Variants in MTHFD1L observed in about 807,000 individuals in gnomAD.
MTHFD1L encodes the protein methylenetetrahydrofolate dehydrogenase (NADP+ dependent) 1 like, also known as monofunctional C1-tetrahydrofolate synthase, mitochondrial.
In MTHFD1L, 81 loss-of-function variants were observed where a neutral mutation model predicts 119.5. That is an observed-to-expected ratio of 0.68 (90% CI 0.57 to 0.82). MTHFD1L has a LOEUF of 0.82. Among genes scored for constraint, MTHFD1L ranks in the 40% least tolerant of loss-of-function variants. MTHFD1L has a pLI of 0.00. For missense variants in MTHFD1L, 1,125 were observed against 1,253.4 expected, an observed-to-expected ratio of 0.90 and a Z score of 1.55; for synonymous variants, 430 against 475.2, an observed-to-expected ratio of 0.90 and a Z score of 1.24.
intron 20 of MTHFD1L, among the ~76,000 whole-genome samples, chr6:151,005,205 G>A (rs1011578831): frequency 4.6e-5 from 7 of 152,042 alleles, no homozygotes; most frequent in African/African-American, 1.7e-4. Context: ...CTCACGAGAT[G>A]GGTCTTCATA....
At chr6:151,097,865 A>T (rs1052104966) in intron 27 of MTHFD1L, among the ~76,000 whole-genome samples, 1 of 152,120 alleles carries the variant, frequency 6.6e-6, no homozygotes, top group African/African-American at 2.4e-5. Context: ...AAACACTCAT[A>T]TATACCCCAT....
intron 20 of MTHFD1L, among the ~76,000 whole-genome samples, chr6:150,973,386 G>A (rs896414224): frequency 2.6e-5 from 4 of 152,080 alleles, no homozygotes; most frequent in Admixed American, 6.5e-5. Flanking sequence ...TTGCTCCTTC[G>A]GTAGCAAATC....
At chr6:150,986,075 G>T (rs1778265467) in intron 20 of MTHFD1L, among the ~76,000 whole-genome samples, 1 of 152,212 alleles carries the variant, frequency 6.6e-6, no homozygotes, top group African/African-American at 2.4e-5. Context: ...CAAGGGGAGA[G>T]AAACCAGAGG....
At chr6:150,903,941 T>C (rs554999588) in intron 7 of MTHFD1L, among the ~76,000 whole-genome samples, 6 of 152,388 alleles carry the variant, frequency 3.9e-5, no homozygotes, top group Non-Finnish European at 8.8e-5. Flanking sequence ...TTGTCAGCTC[T>C]ATGAAAAGAC....
intron 26 of MTHFD1L, among the ~76,000 whole-genome samples, chr6:151,076,960 C>T (rs916432762): frequency 1.4e-4 from 21 of 151,934 alleles, no homozygotes; most frequent in African/African-American, 4.8e-4. Flanking sequence ...ATGTAATTTG[C>T]CTCAATAAAA....
At chr6:150,954,192 C>T (rs1465810798) in intron 16 of MTHFD1L, among the ~76,000 whole-genome samples, 2 of 152,160 alleles carry the variant, frequency 1.3e-5, no homozygotes, top group East Asian at 1.9e-4. Context: ...TACGTAATTT[C>T]CATCACCATT....
chr6:150,885,734 G>A lies in MTHFD1L; in HGVS notation c.643G>A (p.Gly215Ser), dbSNP rs1371221387. 1.2e-6 allele frequency: 2 copies of A among 1,605,000 alleles called. No individual in the cohort carries two copies. The highest frequency in any genetic ancestry group is 1.7e-6 in the Non-Finnish European group (2 of 1,172,294). Residue 215 changes from glycine (G) to serine (S), a missense_variant and splice_region_variant, in exon 6 of 28, where the codon GGT becomes AGT. Physicochemically the swap from Gly to Ser is moderately conservative, Grantham distance 56. This residue lies in a region of MTHFD1L where 1,058 missense variants were observed against 1,151.2 expected (regional missense o/e 0.92). Coordinates refer to ENST00000367321, the MANE Select transcript of MTHFD1L (RefSeq NM_015440.5). ...KAVIELLEKS[G>S]VNLDGKKILV... ...TGTAATTGAACTTCTTGAAAAATCA[G>A]GTAGGATGCTCCTTGAGAAATGCCG...
chr6:150,921,844 G>T (rs1348846196), intron 9 of MTHFD1L, among the ~76,000 whole-genome samples: 1 of 152,152 alleles, frequency 6.6e-6, no homozygotes, highest in Non-Finnish European at 1.5e-5. Flanking sequence ...AACATTCTCA[G>T]ATTCATTGCT....
chr6:151,069,263 C>T (rs1262882939), intron 26 of MTHFD1L, among the ~76,000 whole-genome samples: 1 of 150,864 alleles, frequency 6.6e-6, no homozygotes, highest in African/African-American at 2.4e-5. Flanking sequence ...CTCTCTCTCT[C>T]TCTCTCTCTC....
Position 150,955,940 on chromosome 6 carries a change from C to T in MTHFD1L, c.1727-55C>T, listed in dbSNP as rs1327896271. 4.8e-6 allele frequency: 7 copies of T among 1,445,998 alleles called. No homozygotes were observed. In the Admixed American group the frequency reaches 1.0e-4, roughly 21 times the overall value. The allele number at this position is 1,445,998 out of a possible 1,614,324, so 89.6% of individuals were successfully genotyped here. ...GAGCATCAGAACAATGCCAGACACA[C>T]ACCAGGTGGCTGGTCCATATTTGTC... On this transcript the variant is annotated intron_variant, in intron 16 of 27. Coordinates refer to ENST00000367321, the MANE Select transcript of MTHFD1L (RefSeq NM_015440.5).
chr6:150,952,881 A>G (rs1795057089), intron 16 of MTHFD1L, among the ~76,000 whole-genome samples: 1 of 152,168 alleles, frequency 6.6e-6, no homozygotes, highest in Admixed American at 6.5e-5. Context: ...ATGTTCCTGG[A>G]CCCAGAGTGG....
At chr6:151,013,194 A>T (rs1321801286) in intron 21 of MTHFD1L, among the ~76,000 whole-genome samples, 2 of 152,126 alleles carry the variant, frequency 1.3e-5, no homozygotes, top group African/African-American at 4.8e-5. Context: ...AGCCTGGGGA[A>T]GATAGCAAGA....
Position 150,905,779 on chromosome 6 carries a change from G to A in MTHFD1L, c.892+18G>A. 6.4e-7 allele frequency: 1 copy of A among 1,562,114 alleles called. No individual in the cohort carries two copies. Among genetic ancestry groups the A allele is most frequent in the Non-Finnish European group, 8.8e-7 (1 of 1,132,544 alleles). ...CCTGTCAGGTAAATGTCTTCACATT[G>A]GTGTTGAGCCACTGATTAGGTCAGA... is the stretch of plus-strand genomic sequence containing the variant. On this transcript the variant is annotated intron_variant, in intron 8 of 27. Transcript: ENST00000367321.
chr6:151,050,787 G>A (rs1321837365), intron 26 of MTHFD1L, among the ~76,000 whole-genome samples: 12 of 152,126 alleles, frequency 7.9e-5, no homozygotes, highest in Admixed American at 2.6e-4. Context: ...GTTGTGGTGC[G>A]ACAGCAGAGG....
In MTHFD1L at chr6:150,994,992, AT is replaced by A. The variant is rs556241046; in HGVS notation, c.2126-14825del. ...TTTTGCCAGTATAATAAACATAATA[AT>A]TAAATGTTTATATATCTTTCGTATT... On this transcript the variant is annotated intron_variant, in intron 20 of 27. Coordinates refer to ENST00000367321, the MANE Select transcript of MTHFD1L (RefSeq NM_015440.5). 2.0e-5 allele frequency among the ~76,000 whole-genome samples: 3 copies of A among 152,318 alleles called. No homozygotes were observed. The South Asian group carries it at 6.2e-4, about 32-fold the overall frequency.
chr6:151,035,971 A>T (rs1403445882), intron 25 of MTHFD1L, among the ~76,000 whole-genome samples: 3 of 152,218 alleles, frequency 2.0e-5, no homozygotes, highest in Non-Finnish European at 1.5e-5. Flanking sequence ...ATCGGTATAG[A>T]AGAGTGGAGA....
At chr6:151,087,566 A>G (rs1375342096) in intron 26 of MTHFD1L, among the ~76,000 whole-genome samples, 1 of 152,238 alleles carries the variant, frequency 6.6e-6, no homozygotes, top group East Asian at 1.9e-4. Context: ...AAATTATTTC[A>G]GAAACACAAC....
At chr6:151,058,553 C>T (rs1278890549) in intron 26 of MTHFD1L, among the ~76,000 whole-genome samples, 1 of 152,176 alleles carries the variant, frequency 6.6e-6, no homozygotes. Flanking sequence ...CCCATTTAAC[C>T]CCCGAGGTGG....
chr6:150,913,742 C>T (rs1787354650), intron 8 of MTHFD1L, among the ~76,000 whole-genome samples: 2 of 152,142 alleles, frequency 1.3e-5, no homozygotes, highest in African/African-American at 2.4e-5. Context: ...ACTTGTAATC[C>T]CAGCACTTTG....
Sources: allele counts gnomAD v4.1 joint callset (sites outside exome capture counted in the v4.1 genomes callset), GRCh38; gene constraint gnomAD v4.1.1; regional missense constraint gnomAD v4.1.1; transcripts MANE v1.5; gene names NCBI Gene and HGNC (gene_info 2026-07-23, HGNC 2026-07-21).